Variants in ROBO1 observed in about 807,000 individuals in gnomAD.
ROBO1 encodes roundabout guidance receptor 1.
A neutral mutation model predicts 195.9 loss-of-function variants in ROBO1; 149 were observed. The ratio of observed to expected loss-of-function variants is 0.76; its 90% CI spans 0.67 to 0.87. The LOEUF is 0.87. ROBO1 is among the 40% of genes least tolerant of loss of function. The pLI is 0.00. For synonymous variants in ROBO1, 816 were observed against 733.2 expected, an observed-to-expected ratio of 1.11 and a Z score of -1.82; for missense variants, 1,933 against 2,068.3, an observed-to-expected ratio of 0.93 and a Z score of 1.27.
intron 2 of ROBO1, among the ~76,000 whole-genome samples, chr3:79,488,661 T>C (rs1051812665): frequency 1.3e-5 from 2 of 152,168 alleles, no homozygotes; most frequent in East Asian, 1.9e-4. Flanking sequence ...ATTAGGAAAA[T>C]TGACATCTTT....
intron 4 of ROBO1, among the ~76,000 whole-genome samples, chr3:78,780,166 T>G (rs2083632135): frequency 2.0e-5 from 3 of 152,150 alleles, no homozygotes; most frequent in East Asian, 3.9e-4. Flanking sequence ...GATGACAGGT[T>G]GATGGGTACA....
rs567022704 is a variant in ROBO1 at position 78,990,553 on chromosome 3, A to G, written c.173-51626T>C. 3.3e-5 allele frequency among the ~76,000 whole-genome samples: 5 copies of G among 152,306 alleles called. No individual in the cohort carries two copies. In the South Asian group the frequency reaches 1.0e-3, roughly 32 times the overall value. On this transcript the variant is annotated intron_variant, in intron 3 of 30. Transcript: ENST00000464233. Reference sequence around the variant, plus strand: ...TATACTTATTGAATGGTTATTATTTATAAGTATTGTACTTGGCACAGGAGA... The same window carrying G: ...TATACTTATTGAATGGTTATTATTTGTAAGTATTGTACTTGGCACAGGAGA...
intron 4 of ROBO1, among the ~76,000 whole-genome samples, chr3:78,877,159 G>A (rs1288874791): frequency 6.6e-6 from 1 of 152,072 alleles, no homozygotes; most frequent in Non-Finnish European, 1.5e-5. Flanking sequence ...CAATGTTACT[G>A]ACATTTTGTA....
chr3:79,594,778 T>C (rs1008434905), intron 1 of ROBO1, among the ~76,000 whole-genome samples: 2 of 152,020 alleles, frequency 1.3e-5, no homozygotes, highest in African/African-American at 2.4e-5. Context: ...TCTGCTAATA[T>C]TGATATCAAC....
At chr3:79,489,063 T>C (rs1939309215) in intron 2 of ROBO1, among the ~76,000 whole-genome samples, 1 of 144,510 alleles carries the variant, frequency 6.9e-6, no homozygotes, top group Admixed American at 6.7e-5. Flanking sequence ...TTTATGATAT[T>C]ATTAGTGAAT....
chr3:79,671,451 T>C (rs1484046480), intron 1 of ROBO1, among the ~76,000 whole-genome samples: 1 of 151,842 alleles, frequency 6.6e-6, no homozygotes, highest in Admixed American at 6.6e-5. Context: ...AATAGGATGA[T>C]TTTATAAAAG....
At chr3:79,358,668 C>T (rs1020373346) in intron 2 of ROBO1, among the ~76,000 whole-genome samples, 48 of 152,048 alleles carry the variant, frequency 3.2e-4, no homozygotes, top group African/African-American at 1.1e-3. Flanking sequence ...AGTACTTGTA[C>T]GTTTGAGACC....
intron 4 of ROBO1, among the ~76,000 whole-genome samples, chr3:78,925,223 T>C (rs147905409): frequency 1.3e-5 from 2 of 152,194 alleles, no homozygotes; most frequent in Non-Finnish European, 2.9e-5. Context: ...TAAATACCTA[T>C]GTATAATATC....
At chr3:79,398,028 T>C (rs532986603) in intron 2 of ROBO1, among the ~76,000 whole-genome samples, 3 of 152,208 alleles carry the variant, frequency 2.0e-5, no homozygotes, top group Non-Finnish European at 4.4e-5. Context: ...TTTACAATAT[T>C]AGTTTTTAAT....
chr3:79,620,067 C>A (rs1157647543), intron 1 of ROBO1, among the ~76,000 whole-genome samples: 2 of 152,220 alleles, frequency 1.3e-5, no homozygotes, highest in Non-Finnish European at 2.9e-5. Flanking sequence ...CCTACAGGAA[C>A]TCCTCCCTCA....
Position 79,309,648 on chromosome 3 carries a change from C to T in ROBO1, c.89-184109G>A, listed in dbSNP as rs766875064. 3.9e-5 allele frequency among the ~76,000 whole-genome samples: 6 copies of T among 151,980 alleles called. No homozygotes were observed. In the East Asian group the frequency reaches 9.7e-4, roughly 24 times the overall value. On this transcript the variant is annotated intron_variant, in intron 2 of 30. Transcript: ENST00000464233. ...AAATAAATAAAAATAAATTAAGCAC[C>T]ATGAATAAAGAGGGCCTAATTGTGA...
chr3:79,453,784 C>T (rs2039522223), intron 2 of ROBO1, among the ~76,000 whole-genome samples: 1 of 152,082 alleles, frequency 6.6e-6, no homozygotes, highest in African/African-American at 2.4e-5. Context: ...AAAACACTAT[C>T]CAAGCACGAG....
intron 3 of ROBO1, among the ~76,000 whole-genome samples, chr3:78,944,124 G>C (rs1339391221): frequency 6.6e-6 from 1 of 152,134 alleles, no homozygotes; most frequent in Non-Finnish European, 1.5e-5. Context: ...GTCCATATGG[G>C]GGAACTGAGA....
At chr3:78,923,962 T>C (rs1219658321) in intron 4 of ROBO1, among the ~76,000 whole-genome samples, 1 of 151,896 alleles carries the variant, frequency 6.6e-6, no homozygotes, top group Non-Finnish European at 1.5e-5. Context: ...AATTATGACC[T>C]GAACTCCTTA....
At chr3:79,353,400 A>C (rs945312919) in intron 2 of ROBO1, among the ~76,000 whole-genome samples, 3 of 148,124 alleles carry the variant, frequency 2.0e-5, no homozygotes, top group East Asian at 2.0e-4. Flanking sequence ...CACAGAAACA[A>C]ACACACACAC....
intron 2 of ROBO1, among the ~76,000 whole-genome samples, chr3:79,349,084 A>G (rs1239396740): frequency 6.6e-6 from 1 of 152,204 alleles, no homozygotes; most frequent in Non-Finnish European, 1.5e-5. Flanking sequence ...TAGAGAAGGT[A>G]ACCCAAAAGA....
chr3:79,377,153 A>G (rs2036412874), intron 2 of ROBO1, among the ~76,000 whole-genome samples: 1 of 152,166 alleles, frequency 6.6e-6, no homozygotes, highest in Non-Finnish European at 1.5e-5. Flanking sequence ...CATTATTTTC[A>G]TCTTTATATT....
chr3:79,629,514 A>T (rs1246743261), intron 1 of ROBO1, among the ~76,000 whole-genome samples: 1 of 152,092 alleles, frequency 6.6e-6, no homozygotes, highest in Non-Finnish European at 1.5e-5. Flanking sequence ...GAGGGTTTAT[A>T]GCATTAAATG....
At position 78,631,235 on chromosome 3, in the gene ROBO1, G is replaced by A; in HGVS notation, c.3552C>T (p.Asp1184=). 1 of 1,613,434 alleles carries A rather than the reference G, an allele frequency of 6.2e-7. No individual in the cohort carries two copies. Among genetic ancestry groups the A allele is most frequent in the Non-Finnish European group, 8.5e-7 (1 of 1,179,644 alleles). Residue 1184 remains aspartate, a synonymous_variant, in exon 25 of 31, where the codon GAC becomes GAT. Coordinates refer to ENST00000464233, the MANE Select transcript of ROBO1 (RefSeq NM_002941.4). ...GATGTGCTGGGGGAGGAGGAAGCAG[G>A]TCTGCCCAGTTCATGCCACCCTGTT... The part of the protein sequence containing the change: ...VPKQGGMNWA[D]LLPPPPAHPP...
Sources: gnomAD v4.1 joint callset for allele counts (sites outside exome capture counted in the v4.1 genomes callset) on GRCh38, gnomAD v4.1.1 for gene constraint, MANE v1.5 for transcripts, NCBI Gene and HGNC (gene_info 2026-07-23, HGNC 2026-07-21) for gene names.